Variants in ABHD6 observed in about 807,000 individuals in gnomAD.
ABHD6 encodes monoacylglycerol lipase ABHD6.
ABHD6 carries 33 observed loss-of-function variants against 38.8 expected under a neutral mutation model. That is an observed-to-expected ratio of 0.85 (90% CI 0.64 to 1.14). The LOEUF (loss-of-function observed/expected upper bound fraction) is 1.14. Ranked by LOEUF, ABHD6 falls within the 50% of genes most tolerant of loss-of-function variation. The pLI, the probability that ABHD6 is intolerant of heterozygous loss-of-function variation, is 0.00. For missense variants in ABHD6, 380 were observed against 422.6 expected, an observed-to-expected ratio of 0.90 and a Z score of 0.88; for synonymous variants, 147 against 161.6, an observed-to-expected ratio of 0.91 and a Z score of 0.69.
chr3:58,261,405 C>T (rs892172900), intron 3 of ABHD6, among the ~76,000 whole-genome samples: 1 of 152,076 alleles, frequency 6.6e-6, no homozygotes, highest in African/African-American at 2.4e-5. Flanking sequence ...CAGAGGTGGG[C>T]GATTGCTTGA....
At chr3:58,254,568 G>A (rs2097431977) in intron 2 of ABHD6, among the ~76,000 whole-genome samples, 1 of 152,136 alleles carries the variant, frequency 6.6e-6, no homozygotes, top group South Asian at 2.1e-4. Context: ...AGTCGATAGA[G>A]GCATATGGGA....
rs766772799 is a variant in ABHD6 at position 58,287,917 on chromosome 3, A to T, written c.837+2464A>T. On this transcript the variant is annotated intron_variant, in intron 9 of 9. Transcript: ENST00000478253. This position sits in a 1 kb window ranked among gnomAD's most constrained non-coding sequence, Gnocchi z 4.7. Reference sequence around the variant, plus strand: ...AGGCTCAAATGAAATAATATGTATGAAAATGATCTTCCAGTTGCAAAAAAG... The same window carrying T: ...AGGCTCAAATGAAATAATATGTATGTAAATGATCTTCCAGTTGCAAAAAAG... 3.9e-5 allele frequency among the ~76,000 whole-genome samples: 6 copies of T among 152,240 alleles called. No homozygotes were observed. The highest frequency in any genetic ancestry group is 7.3e-5 in the Non-Finnish European group (5 of 68,038).
At chr3:58,260,341 C>G (rs2097436116) in intron 3 of ABHD6, among the ~76,000 whole-genome samples, 2 of 152,082 alleles carry the variant, frequency 1.3e-5, no homozygotes, top group Non-Finnish European at 2.9e-5. Context: ...GCACACAGGC[C>G]AAGAAGAAAA....
chr3:58,246,157 T>C (rs375148923), intron 1 of ABHD6, among the ~76,000 whole-genome samples: 1 of 152,200 alleles, frequency 6.6e-6, no homozygotes, highest in Non-Finnish European at 1.5e-5. Context: ...GACTTTGGGC[T>C]CCTTAAACGT....
In ABHD6 at chr3:58,267,221, G is replaced by A. The variant is rs150907072; in HGVS notation, c.152G>A (p.Arg51His). The A allele has an allele frequency of 6.0e-4, 971 of 1,614,146 alleles. 1 individual carries two copies. The highest frequency in any genetic ancestry group is 7.6e-4 in the Non-Finnish European group (895 of 1,180,008). Reference protein sequence around the residue: ...YWRRTLGMQVRYVHHEDYQFC... With the variant: ...YWRRTLGMQVHYVHHEDYQFC... ...CGGAGGACATTGGGCATGCAAGTCC[G>A]CTATGTTCACCATGAAGACTATCAG... The change falls in exon 4 of 10, where the codon CGC becomes CAC. Residue 51 changes from arginine (R) to histidine (H), a missense_variant. Arg to His is a conservative substitution (Grantham distance 29). Coordinates refer to ENST00000478253, the MANE Select transcript of ABHD6 (RefSeq NM_001320126.2). This position sits in a 1 kb window ranked among gnomAD's most constrained non-coding sequence, Gnocchi z 4.3.
At chr3:58,243,143 C>T (rs1181524272) in intron 1 of ABHD6, among the ~76,000 whole-genome samples, 2 of 152,112 alleles carry the variant, frequency 1.3e-5, no homozygotes. Flanking sequence ...TGGGTTGGTT[C>T]CAAGTCTTTG....
At position 58,273,252 on chromosome 3, in the gene ABHD6, A is replaced by G. The variant is rs1309599031; in HGVS notation, c.524-1406A>G. On this transcript the variant is annotated intron_variant, in intron 6 of 9. Transcript: ENST00000478253. The surrounding 1 kb of genome is among the most constrained non-coding windows in gnomAD (Gnocchi z 4.8). ...ATTATTGATGCTACTGCCTTTCATT[A>G]TAAAATCTAGCTCTTTTCTAGATTT... is the stretch of plus-strand genomic sequence containing the variant. 6.6e-6 allele frequency among the ~76,000 whole-genome samples: 1 copy of G among 152,220 alleles called. No individual in the cohort carries two copies. The highest frequency in any genetic ancestry group is 2.4e-5 in the African/African-American group (1 of 41,450).
intron 1 of ABHD6, among the ~76,000 whole-genome samples, chr3:58,247,529 A>T (rs1256526691): frequency 6.6e-6 from 1 of 152,112 alleles, no homozygotes; most frequent in Non-Finnish European, 1.5e-5. Context: ...ATACAGATGG[A>T]CTACTTTATT....
Position 58,245,196 on chromosome 3 carries a change from G to A in ABHD6, c.-90-4682G>A, listed in dbSNP as rs139647706. On this transcript the variant is annotated intron_variant, in intron 1 of 9. Transcript: ENST00000478253. ...TTGTTTTGTTTTGAGACGGAGTCTC[G>A]CTCTGTCACCCAGGCTGGAGTGCAA... Among the ~76,000 whole-genome samples the A allele has an allele frequency of 9.0e-3, 1,366 of 152,100 alleles. 12 individuals carry two copies. Among genetic ancestry groups the A allele is most frequent in the Non-Finnish European group, 0.014 (969 of 67,998 alleles).
At chr3:58,270,503 CAA>C (rs768619665) in intron 5 of ABHD6, among the ~76,000 whole-genome samples, 10 of 60,636 alleles carry the variant, frequency 1.6e-4, no homozygotes, top group Admixed American at 4.0e-4. Context: ...CTCATCTCTA[CAA>C]AAAAAAAAAA....
At chr3:58,258,680 G>A (rs183426642) in intron 3 of ABHD6, 54 of 177,050 alleles carry the variant, frequency 3.0e-4, no homozygotes, top group African/African-American at 1.2e-3. Flanking sequence ...ACTTCTGTAC[G>A]TAGAAGAGTC....
At chr3:58,250,892 T>G (rs991679266) in intron 2 of ABHD6, among the ~76,000 whole-genome samples, 2 of 152,180 alleles carry the variant, frequency 1.3e-5, no homozygotes, top group African/African-American at 4.8e-5. Context: ...CAGTGTAGTT[T>G]GTTTAGACTT....
At chr3:58,289,889 A>G (rs2097460493) in intron 9 of ABHD6, among the ~76,000 whole-genome samples, 1 of 129,038 alleles carries the variant, frequency 7.7e-6, no homozygotes, top group Non-Finnish European at 1.6e-5. Flanking sequence ...TCCCTCCCGG[A>G]CGGGGTGGCT....
At chr3:58,242,571 G>A (rs964395241) in intron 1 of ABHD6, among the ~76,000 whole-genome samples, 1 of 152,186 alleles carries the variant, frequency 6.6e-6, no homozygotes, top group Non-Finnish European at 1.5e-5. Context: ...TTTTGTTTCA[G>A]CTTTCCAGCT....
rs573465963 is a variant in ABHD6 at position 58,269,803 on chromosome 3, C to T, written c.390+369C>T. 1.4e-4 allele frequency among the ~76,000 whole-genome samples: 22 copies of T among 152,280 alleles called. 1 individual carries two copies. The South Asian group carries it at 4.6e-3, about 32-fold the overall frequency. On this transcript the variant is annotated intron_variant, in intron 5 of 9. Transcript: ENST00000478253. This position sits in a 1 kb window ranked among gnomAD's most constrained non-coding sequence, Gnocchi z 4.4. ...CCTCTGCCTAGCTGGGGAGGGTGTT[C>T]TTCACATTATAACGTACTTTAGCAT...
chr3:58,293,937 C>T lies in ABHD6; in HGVS notation c.*172C>T, dbSNP rs1353461279. 6.7e-6 allele frequency: 4 copies of T among 594,412 alleles called. No homozygotes were observed. The highest frequency in any genetic ancestry group is 1.9e-5 in the African/African-American group (1 of 53,764). The allele number at this position is 594,412 out of a possible 1,614,324, so 36.8% of individuals were successfully genotyped here. On this transcript the variant is annotated 3_prime_UTR_variant, in exon 10 of 10. Transcript: ENST00000478253. The surrounding 1 kb of genome is among the most constrained non-coding windows in gnomAD (Gnocchi z 4.4). Reference sequence around the variant, plus strand: ...CGGTTCCCCAGAGCTTTGGGGACCACGCGAAAACCTCCAAGATATTTTTCA... The same window carrying T: ...CGGTTCCCCAGAGCTTTGGGGACCATGCGAAAACCTCCAAGATATTTTTCA...
chr3:58,293,744 C>A lies in ABHD6; in HGVS notation c.993C>A (p.Asp331Glu). 6.2e-7 allele frequency: 1 copy of A among 1,614,162 alleles called. No individual in the cohort carries two copies. ...IDFLASVHNT[D>E]NNKKLD ...TTTTAGCTTCTGTGCACAACACAGA[C>A]AACAACAAGAAGCTGGACTGAGGCC... The change falls in exon 10 of 10, where the codon GAC (aspartate) becomes GAA (glutamate). Residue 331 changes from aspartate (D) to glutamate (E), a missense_variant. By Grantham distance (45) the Asp-to-Glu change is conservative. Coordinates refer to ENST00000478253, the MANE Select transcript of ABHD6 (RefSeq NM_001320126.2). The surrounding 1 kb of genome is among the most constrained non-coding windows in gnomAD (Gnocchi z 4.4).
At chr3:58,277,095 A>G (rs1028019575) in intron 7 of ABHD6, among the ~76,000 whole-genome samples, 3 of 152,158 alleles carry the variant, frequency 2.0e-5, no homozygotes, top group Non-Finnish European at 2.9e-5. Context: ...TTGGCAATGC[A>G]GGCTCTTTTT....
rs2097433053 is a variant in ABHD6 at position 58,256,092 on chromosome 3, C to CACACACACACACAG, written c.-25-457_-25-456insGACACACACACACA. ...CCTCCCACCAACACACACACACACACACACACACACACACACATACACACA... is the reference window on the plus strand; with the variant it reads ...CCTCCCACCAACACACACACACACACACACACACACACAGACACACACACACACACATACACACA... On this transcript the variant is annotated intron_variant, in intron 2 of 9. Transcript: ENST00000478253. This position sits in a 1 kb window ranked among gnomAD's most constrained non-coding sequence, Gnocchi z 4.3. Among the ~76,000 whole-genome samples, 1 of 84,934 alleles carries CACACACACACACAG rather than the reference C, an allele frequency of 1.2e-5. No homozygotes were observed. Among genetic ancestry groups the CACACACACACACAG allele is most frequent in the Non-Finnish European group, 2.1e-5 (1 of 47,436 alleles). The allele number at this position is 84,934 out of a possible 152,430, so 55.7% of individuals were successfully genotyped here.
Sources: gnomAD v4.1 joint callset for allele counts (sites outside exome capture counted in the v4.1 genomes callset) on GRCh38, gnomAD v4.1.1 for gene constraint, Gnocchi (gnomAD v3.1) non-coding constraint, MANE v1.5 for transcripts, NCBI Gene and HGNC (gene_info 2026-07-23, HGNC 2026-07-21) for gene names.